The following GRIP1 variants were observed in gnomAD, a reference collection of about 807,000 sequenced individuals.
GRIP1 encodes the protein glutamate receptor-interacting protein 1.
Under a neutral mutation model 129.9 loss-of-function variants are expected in GRIP1, and 45 were observed. The ratio of observed to expected loss-of-function variants is 0.35; its 90% CI spans 0.27 to 0.44. The LOEUF is 0.44. Among genes scored for constraint, GRIP1 ranks in the 20% least tolerant of loss-of-function variants. The probability of loss-of-function intolerance (pLI) is 1.00; values close to 1 mark genes in which losing one functional copy is unlikely to be tolerated. For synonymous variants in GRIP1, 530 were observed against 520.8 expected (o/e 1.02, Z -0.24); for missense variants, 1,196 against 1,396.8 (o/e 0.86, Z 2.29).
intron 1 of GRIP1, among the ~76,000 whole-genome samples, chr12:66,666,063 A>G (rs952873261): frequency 7.2e-5 from 11 of 152,204 alleles, no homozygotes; most frequent in African/African-American, 2.7e-4. Flanking sequence ...CCCCACAAAC[A>G]TAAAGCTAGT....
intron 1 of GRIP1, among the ~76,000 whole-genome samples, chr12:66,868,844 A>G (rs1324016724): frequency 6.6e-6 from 1 of 152,170 alleles, no homozygotes; most frequent in East Asian, 1.9e-4. Context: ...GAGAGTCTCA[A>G]GGAACTTTAG....
intron 1 of GRIP1, among the ~76,000 whole-genome samples, chr12:66,632,145 G>A (rs546045882): frequency 6.6e-6 from 1 of 152,270 alleles, no homozygotes; most frequent in Admixed American, 6.5e-5. Flanking sequence ...TTTCTCAGAA[G>A]TAAGAAATGC....
At chr12:66,388,635 G>C (rs2056458710) in intron 19 of GRIP1, among the ~76,000 whole-genome samples, 1 of 152,236 alleles carries the variant, frequency 6.6e-6, no homozygotes, top group South Asian at 2.1e-4. Context: ...AATGGGGAGT[G>C]AAAGAAGCTG....
chr12:66,363,128 CACACACACATAT>C (rs1316867071), intron 23 of GRIP1, among the ~76,000 whole-genome samples: 11 of 143,976 alleles, frequency 7.6e-5, no homozygotes, highest in Admixed American at 2.1e-4. Flanking sequence ...TATATATATA[CACACACACATAT>C]ACACACACAT....
intron 13 of GRIP1, among the ~76,000 whole-genome samples, chr12:66,436,096 C>T (rs774548086): frequency 6.6e-5 from 10 of 152,174 alleles, no homozygotes; most frequent in Non-Finnish European, 1.3e-4. Context: ...GTTAGACTCG[C>T]ATGTAATTAT....
chr12:66,778,528 G>A (rs989496672), intron 1 of GRIP1, among the ~76,000 whole-genome samples: 1 of 152,138 alleles, frequency 6.6e-6, no homozygotes, highest in Non-Finnish European at 1.5e-5. Flanking sequence ...AGGAAATAGT[G>A]TATAAAGCTA....
At chr12:67,041,313 T>C (rs2043176579) in intron 1 of GRIP1, among the ~76,000 whole-genome samples, 1 of 152,100 alleles carries the variant, frequency 6.6e-6, no homozygotes, top group Non-Finnish European at 1.5e-5. Flanking sequence ...TATATTTATA[T>C]ATACACGTGT....
intron 1 of GRIP1, among the ~76,000 whole-genome samples, chr12:66,729,551 C>G (rs747039175): frequency 6.6e-6 from 1 of 152,126 alleles, no homozygotes; most frequent in Non-Finnish European, 1.5e-5. Flanking sequence ...TCGCATGCTA[C>G]TCAATGATGG....
At chr12:66,821,997 A>G (rs1052299497) in intron 1 of GRIP1, among the ~76,000 whole-genome samples, 4 of 125,350 alleles carry the variant, frequency 3.2e-5, no homozygotes, top group African/African-American at 1.0e-4. Flanking sequence ...AGCCACTTCC[A>G]TCTTGTGTGT....
chr12:67,058,563 G>A (rs968245395), intron 1 of GRIP1, among the ~76,000 whole-genome samples: 1 of 152,080 alleles, frequency 6.6e-6, no homozygotes, highest in Non-Finnish European at 1.5e-5. Flanking sequence ...GAAATATGTC[G>A]GTTCTTGTGT....
chr12:67,036,838 G>C (rs571236234), intron 1 of GRIP1, among the ~76,000 whole-genome samples: 1 of 152,042 alleles, frequency 6.6e-6, no homozygotes, highest in Admixed American at 6.6e-5. Flanking sequence ...ACATCTCCAA[G>C]TTGCCTCTCA....
chr12:66,363,962 T>A lies in GRIP1; in HGVS notation c.3012+7732A>T, dbSNP rs954744910. On this transcript the variant is annotated intron_variant, in intron 23 of 24. Coordinates refer to ENST00000359742, the MANE Select transcript of GRIP1 (RefSeq NM_001366722.1). ...ATTTCAAAATCGCTAAAAGAGAAAA[T>A]TTTAAATGTGGTGGGCATGGTGGCT... is the stretch of plus-strand genomic sequence containing the variant. Among the ~76,000 whole-genome samples the A allele has an allele frequency of 3.3e-5, 5 of 151,254 alleles. No individual in the cohort carries two copies. The South Asian group carries it at 8.3e-4, about 25-fold the overall frequency.
Position 66,394,349 on chromosome 12 carries a change from T to C in GRIP1, c.1988A>G (p.Glu663Gly), listed in dbSNP as rs2137536656. ...AATAATTGCTCCGGAACTTTCTTGC[T>C]CATCTGTAATAAATGCCAAGGAATC... ...KIRKDEDNSD[E>G]QESSGAIIYT... Residue 663 changes from glutamate (E) to glycine (G), a missense_variant, in exon 17 of 25, where the codon GAG becomes GGG. Glu to Gly is a moderately conservative substitution (Grantham distance 98, BLOSUM62 -2). This residue lies in a region of GRIP1 where 508 missense variants were observed against 587.0 expected (regional missense o/e 0.87). Coordinates refer to ENST00000359742, the MANE Select transcript of GRIP1 (RefSeq NM_001366722.1). 1 of 1,613,886 alleles carries C rather than the reference T, an allele frequency of 6.2e-7. No individual in the cohort carries two copies.
At chr12:66,436,974 CAAAAAAAAA>C (rs71069003) in intron 13 of GRIP1, among the ~76,000 whole-genome samples, 4 of 113,582 alleles carry the variant, frequency 3.5e-5, no homozygotes, top group Non-Finnish European at 3.5e-5. Flanking sequence ...ACTCTGTCTC[CAAAAAAAAA>C]AAAAAAAAAA....
chr12:66,398,353 C>T (rs755876804), intron 16 of GRIP1, among the ~76,000 whole-genome samples: 4 of 152,098 alleles, frequency 2.6e-5, no homozygotes, highest in Non-Finnish European at 2.9e-5. Flanking sequence ...CAGAGGGTCA[C>T]GCCATTCTCC....
intron 1 of GRIP1, among the ~76,000 whole-genome samples, chr12:66,789,419 A>G (rs906257644): frequency 4.6e-5 from 7 of 152,338 alleles, no homozygotes; most frequent in South Asian, 4.1e-4. Context: ...CTATAAAATG[A>G]GGAATAACAG....
chr12:66,353,620 C>T lies in GRIP1; in HGVS notation c.3013-57G>A, dbSNP rs118044240. ...GCTGGGGTGGAGACTTTTCCTTCTG[C>T]AACTTCTTGATGAACAATCTTTTCA... On this transcript the variant is annotated intron_variant, in intron 23 of 24. Transcript: ENST00000359742. The T allele has an allele frequency of 0.011, 15,579 of 1,465,210 alleles. 885 individuals carry two copies. In the Admixed American group the frequency reaches 0.11, roughly 11 times the overall value. The allele number at this position is 1,465,210 out of a possible 1,614,324, so 90.8% of individuals were successfully genotyped here.
At chr12:66,380,083 T>TA (rs543352483) in intron 19 of GRIP1, among the ~76,000 whole-genome samples, 114 of 152,056 alleles carry the variant, frequency 7.5e-4, no homozygotes, top group African/African-American at 2.7e-3. Context: ...TTTTTTTTTT[T>TA]ATTTTTAGTA....
intron 1 of GRIP1, among the ~76,000 whole-genome samples, chr12:66,789,560 A>G (rs2038461778): frequency 7.4e-6 from 1 of 134,924 alleles, no homozygotes; most frequent in Admixed American, 8.0e-5. Flanking sequence ...CAAAACTATA[A>G]TATACAAACT....
Sources: gnomAD v4.1 joint callset for allele counts (sites outside exome capture counted in the v4.1 genomes callset) on GRCh38, gnomAD v4.1.1 for gene constraint, gnomAD v4.1.1 regional missense constraint, MANE v1.5 for transcripts, NCBI Gene and HGNC (gene_info 2026-07-23, HGNC 2026-07-21) for gene names.